Variants in CNIH3 observed in about 807,000 individuals in gnomAD.
CNIH3 encodes cornichon family AMPA receptor auxiliary protein 3.
In CNIH3, 14 loss-of-function variants were observed where a neutral mutation model predicts 24.1. That is an observed-to-expected ratio of 0.58 (90% CI 0.38 to 0.91). The LOEUF (loss-of-function observed/expected upper bound fraction) is 0.91. Among genes scored for constraint, CNIH3 ranks in the 40% least tolerant of loss-of-function variants. The probability of loss-of-function intolerance (pLI) is 0.00; values close to 1 mark genes in which losing one functional copy is unlikely to be tolerated. For missense variants in CNIH3, 178 were observed against 196.8 expected, an observed-to-expected ratio of 0.90 and a Z score of 0.57; for synonymous variants, 68 against 73.8, an observed-to-expected ratio of 0.92 and a Z score of 0.40.
chr1:224,439,696 C>G (rs1674809142), intron 1 of CNIH3, among the ~76,000 whole-genome samples: 1 of 152,150 alleles, frequency 6.6e-6, no homozygotes, highest in African/African-American at 2.4e-5. Flanking sequence ...ACTGCAACCT[C>G]AGCCTCCCAG....
chr1:224,700,797 T>C (rs1475119948), intron 3 of CNIH3, among the ~76,000 whole-genome samples: 1 of 152,194 alleles, frequency 6.6e-6, no homozygotes, highest in East Asian at 1.9e-4. Flanking sequence ...GATGGTTGGC[T>C]CAACACATGT....
intron 3 of CNIH3, among the ~76,000 whole-genome samples, chr1:224,563,309 T>C (rs1680449626): frequency 6.6e-6 from 1 of 151,984 alleles, no homozygotes; most frequent in African/African-American, 2.4e-5. Flanking sequence ...GGGTGTGAAG[T>C]GTTGATTTTT....
intron 1 of CNIH3, among the ~76,000 whole-genome samples, chr1:224,645,546 C>T (rs769350633): frequency 6.6e-6 from 1 of 152,262 alleles, no homozygotes; most frequent in Non-Finnish European, 1.5e-5. Context: ...GGTGACACTC[C>T]CTCTGTGCTC....
chr1:224,571,453 G>A (rs966853337), intron 4 of CNIH3, among the ~76,000 whole-genome samples: 8 of 152,098 alleles, frequency 5.3e-5, no homozygotes, highest in South Asian at 2.1e-4. Flanking sequence ...GGCCAGGCGC[G>A]GTGGCTCATG....
intron 1 of CNIH3, among the ~76,000 whole-genome samples, chr1:224,447,504 G>A (rs2102957448): frequency 6.6e-6 from 1 of 152,310 alleles, no homozygotes; most frequent in East Asian, 1.9e-4. Context: ...GTCTCCTGTG[G>A]AAACCCTGGC....
At chr1:224,735,166 G>A (rs1172129571) in intron 5 of CNIH3, among the ~76,000 whole-genome samples, 1 of 152,134 alleles carries the variant, frequency 6.6e-6, no homozygotes, top group East Asian at 1.9e-4. Context: ...CAGCCCCACA[G>A]TGGCTGTCAC....
In CNIH3 at chr1:224,441,723, T is replaced by C. The variant is rs1005603928; in HGVS notation, n.203+6861T>C. Among the ~76,000 whole-genome samples the C allele has an allele frequency of 3.3e-5, 5 of 152,214 alleles. No individual in the cohort carries two copies. In the South Asian group the frequency reaches 8.3e-4, roughly 25 times the overall value. ...TTTAAAACAGAAAAATTTTAAAGAC[T>C]GTAGTAGATTATTCATAAAGTTTAA... On this transcript the variant is annotated intron_variant and non_coding_transcript_variant, in intron 1 of 5. Coordinates refer to the CNIH3 transcript ENST00000471578.
chr1:224,491,859 C>G (rs560600012), intron 1 of CNIH3, among the ~76,000 whole-genome samples: 2 of 152,180 alleles, frequency 1.3e-5, no homozygotes, highest in African/African-American at 4.8e-5. Context: ...TCTCCCACCT[C>G]GGCCTCCCAG....
chr1:224,444,635 A>G (rs1231443517), intron 1 of CNIH3, among the ~76,000 whole-genome samples: 1 of 148,938 alleles, frequency 6.7e-6, no homozygotes, highest in Admixed American at 6.7e-5. Flanking sequence ...GGCATGAGCC[A>G]CCGCGCCCTG....
intron 4 of CNIH3, among the ~76,000 whole-genome samples, chr1:224,566,638 G>A (rs1408136115): frequency 6.6e-6 from 1 of 152,110 alleles, no homozygotes; most frequent in Non-Finnish European, 1.5e-5. Flanking sequence ...CTGTTCCTGT[G>A]ATAGTTCGCT....
At chr1:224,532,644 A>G (rs1679119898) in intron 2 of CNIH3, among the ~76,000 whole-genome samples, 1 of 152,222 alleles carries the variant, frequency 6.6e-6, no homozygotes, top group African/African-American at 2.4e-5. Context: ...AATAGAATCT[A>G]CCTAACATAG....
chr1:224,710,113 TG>T (rs1384874291), intron 3 of CNIH3, among the ~76,000 whole-genome samples: 1 of 152,240 alleles, frequency 6.6e-6, no homozygotes, highest in Non-Finnish European at 1.5e-5. Context: ...CAGATGTGGT[TG>T]ATCACAGGTA....
chr1:224,643,449 G>A (rs573797860), intron 1 of CNIH3, among the ~76,000 whole-genome samples: 3 of 152,312 alleles, frequency 2.0e-5, no homozygotes, highest in African/African-American at 4.8e-5. Context: ...CTTTGGCCCC[G>A]CAGCCCAGTC....
At chr1:224,727,964 G>A (rs189770483) in intron 3 of CNIH3, among the ~76,000 whole-genome samples, 2 of 152,060 alleles carry the variant, frequency 1.3e-5, no homozygotes, top group Non-Finnish European at 2.9e-5. Flanking sequence ...TTTCCTCTAC[G>A]TGGAGACAGT....
intron 2 of CNIH3, among the ~76,000 whole-genome samples, chr1:224,545,726 A>G (rs1679678418): frequency 6.6e-6 from 1 of 152,194 alleles, no homozygotes; most frequent in Non-Finnish European, 1.5e-5. Context: ...ACAAAGTGTG[A>G]TGAAGAGGGT....
chr1:224,471,847 C>G (rs1400473804), intron 1 of CNIH3, among the ~76,000 whole-genome samples: 1 of 152,144 alleles, frequency 6.6e-6, no homozygotes, highest in Non-Finnish European at 1.5e-5. Context: ...GCCTCGGCCT[C>G]CCAAAGTGCT....
At chr1:224,438,736 G>A (rs1441918204) in intron 1 of CNIH3, among the ~76,000 whole-genome samples, 2 of 152,190 alleles carry the variant, frequency 1.3e-5, no homozygotes, top group Non-Finnish European at 2.9e-5. Context: ...GGCCAGAACA[G>A]TTGGTCAGCT....
chr1:224,536,616 G>A (rs539017592), intron 2 of CNIH3, among the ~76,000 whole-genome samples: 1 of 152,230 alleles, frequency 6.6e-6, no homozygotes, highest in East Asian at 1.9e-4. Flanking sequence ...TGTGGGAAAT[G>A]CTAAGTCATA....
At chr1:224,626,804 C>T (rs144441867) in intron 1 of CNIH3, among the ~76,000 whole-genome samples, 162 of 152,262 alleles carry the variant, frequency 1.1e-3, no homozygotes, top group African/African-American at 3.5e-3. Context: ...TTTATTGCAC[C>T]GTAGATATGT....
Sources: gnomAD v4.1 joint callset for allele counts (sites outside exome capture counted in the v4.1 genomes callset) on GRCh38, gnomAD v4.1.1 for gene constraint, MANE v1.5 for transcripts, NCBI Gene and HGNC (gene_info 2026-07-23, HGNC 2026-07-21) for gene names.